The following CSF2RA variants were observed in gnomAD, a reference collection of about 807,000 sequenced individuals.
The protein encoded by CSF2RA is colony stimulating factor 2 receptor subunit alpha.
In CSF2RA, 42 loss-of-function variants were observed where a neutral mutation model predicts 51.6. That is an observed-to-expected ratio of 0.81 (90% CI 0.64 to 1.05). The LOEUF (loss-of-function observed/expected upper bound fraction) is 1.05. Ranked by LOEUF, CSF2RA falls within the 50% of genes least tolerant of loss-of-function variation. The pLI is 0.00. For missense variants in CSF2RA, 530 were observed against 501.1 expected (o/e 1.06, Z -0.55); for synonymous variants, 222 against 193.0 (o/e 1.15, Z -1.24).
intron 1 of CSF2RA, among the ~76,000 whole-genome samples, chrX:1,271,409 C>T (rs28366425): frequency 0.14 from 18,467 of 134,548 alleles, 6,178 homozygotes; most frequent in East Asian, 0.33. Flanking sequence ...GTGCAATCTC[C>T]GCTCACTGCA....
chrX:1,315,919 G>A, the CSF2RA span, among the ~76,000 whole-genome samples: 2 of 151,434 alleles, frequency 1.3e-5, no homozygotes, highest in African/African-American at 4.9e-5. Flanking sequence ...TGGATAGATT[G>A]ATGATAGATG....
intron 2 of CSF2RA, 144 bp from the exon 3 acceptor site, chrX:1,282,534 G>T: frequency 1.4e-6 from 1 of 730,254 alleles, no homozygotes; most frequent in East Asian, 2.5e-5. Context: ...GACCTTCCCA[G>T]CTGGCCATGA....
the CSF2RA span, among the ~76,000 whole-genome samples, chrX:1,316,650 C>T: frequency 1.3e-5 from 2 of 152,334 alleles, no homozygotes; most frequent in South Asian, 4.1e-4. Context: ...TGCCCATCCA[C>T]GCGGGAGGGA....
intron 7 of CSF2RA, among the ~76,000 whole-genome samples, chrX:1,293,350 C>T (rs2091580676): frequency 6.6e-6 from 1 of 152,084 alleles, no homozygotes; most frequent in African/African-American, 2.4e-5. Flanking sequence ...TCCCGAGTAG[C>T]TGGGACTACA....
the CSF2RA span, among the ~76,000 whole-genome samples, chrX:1,322,853 G>C: frequency 6.6e-6 from 1 of 152,024 alleles, no homozygotes; most frequent in Non-Finnish European, 1.5e-5. Context: ...AGATTGGCCG[G>C]GCGCGGTGGC....
chrX:1,303,713 C>T (rs1424232461), intron 10 of CSF2RA, among the ~76,000 whole-genome samples: 5 of 152,128 alleles, frequency 3.3e-5, no homozygotes, highest in African/African-American at 1.2e-4. Flanking sequence ...CAGAAATTTC[C>T]TTGTGGGCAA....
intron 4 of CSF2RA, among the ~76,000 whole-genome samples, chrX:1,287,539 G>GT (rs1242238627): frequency 6.7e-6 from 1 of 149,516 alleles, no homozygotes; most frequent in Non-Finnish European, 1.5e-5. Flanking sequence ...TGCCTCCTGG[G>GT]TTCAAGAGAT....
At chrX:1,278,160 C>T (rs1296351834) in intron 2 of CSF2RA, among the ~76,000 whole-genome samples, 1 of 145,178 alleles carries the variant, frequency 6.9e-6, no homozygotes, top group Non-Finnish European at 1.5e-5. Context: ...ATGGTGAAAC[C>T]CCATCTCTAC....
chrX:1,305,683 C>T (rs2083492419), intron 12 of CSF2RA, 156 bp downstream of exon 12: 1 of 1,580,064 alleles, frequency 6.3e-7, no homozygotes, highest in Non-Finnish European at 8.6e-7. Context: ...ACTCCTGGGC[C>T]TTCTCCCGGG....
chrX:1,293,241 G>A (rs28679655), intron 7 of CSF2RA, among the ~76,000 whole-genome samples: 1 of 151,834 alleles, frequency 6.6e-6, no homozygotes, highest in Non-Finnish European at 1.5e-5. Flanking sequence ...CTGAGACAGA[G>A]TCTCACTCTG....
intron 4 of CSF2RA, among the ~76,000 whole-genome samples, chrX:1,286,613 A>G (rs1471362651): frequency 2.0e-4 from 30 of 152,036 alleles, no homozygotes; most frequent in Admixed American, 3.3e-4. Flanking sequence ...TAAAAGCGAG[A>G]GGGCCACAGA....
intron 2 of CSF2RA, among the ~76,000 whole-genome samples, chrX:1,275,265 C>T (rs2089029363): frequency 6.6e-6 from 1 of 151,834 alleles, no homozygotes; most frequent in Non-Finnish European, 1.5e-5. Flanking sequence ...GTGGCAGTTG[C>T]CTCTAGTCCC....
intron 1 of CSF2RA, among the ~76,000 whole-genome samples, chrX:1,274,512 A>T (rs1402035615): frequency 6.6e-6 from 1 of 151,058 alleles, no homozygotes; most frequent in Non-Finnish European, 1.5e-5. Context: ...TTTAGTAGAG[A>T]CGGGGTTTCA....
downstream of CSF2RA, among the ~76,000 whole-genome samples, chrX:1,313,014 G>A (rs763603624): frequency 2.0e-4 from 31 of 152,192 alleles, no homozygotes; most frequent in East Asian, 6.0e-3. Flanking sequence ...CTCCCACAGG[G>A]CGCCCCAGGA....
downstream of CSF2RA, among the ~76,000 whole-genome samples, chrX:1,314,564 T>TTGCACTGCACCTGCCCAAC (rs1569514949): frequency 2.3e-4 from 2 of 8,626 alleles, no homozygotes; most frequent in Admixed American, 1.3e-3. Flanking sequence ...ACCTGCCCAA[T>TTGCACTGCACCTGCCCAAC]CCCACTGCAC....
chrX:1,289,622 T>C (rs1194800266), intron 6 of CSF2RA, among the ~76,000 whole-genome samples: 2 of 151,978 alleles, frequency 1.3e-5, no homozygotes, highest in Admixed American at 1.3e-4. Flanking sequence ...GTTTTTGTTT[T>C]GTTTTGTGTT....
chrX:1,286,527 C>A (rs1195772361), intron 4 of CSF2RA, among the ~76,000 whole-genome samples: 3 of 151,804 alleles, frequency 2.0e-5, no homozygotes, highest in Non-Finnish European at 4.4e-5. Context: ...CGAGATGGTG[C>A]CATTGCACTC....
chrX:1,316,031 G>GACCA, the CSF2RA span, among the ~76,000 whole-genome samples: 2 of 114,870 alleles, frequency 1.7e-5, no homozygotes, highest in East Asian at 1.9e-3. Context: ...TAGATACATA[G>GACCA]ATAGACCAAT....
chrX:1,287,586 G>GGC (rs1360536387), intron 4 of CSF2RA, among the ~76,000 whole-genome samples: 2 of 148,748 alleles, frequency 1.3e-5, no homozygotes, highest in Non-Finnish European at 3.0e-5. Flanking sequence ...TGGGATTACA[G>GGC]GTGCCCACCA....
Sources: gnomAD v4.1 joint callset for allele counts (sites outside exome capture counted in the v4.1 genomes callset) on GRCh38, gnomAD v4.1.1 for gene constraint, MANE v1.5 for transcripts, NCBI Gene and HGNC (gene_info 2026-07-23, HGNC 2026-07-21) for gene names.